Variants in KIF1A observed in about 807,000 individuals in gnomAD.
KIF1A encodes kinesin-like protein KIF1A.
KIF1A carries 46 observed loss-of-function variants against 227.3 expected under a neutral mutation model. That is an observed-to-expected ratio of 0.20 (90% CI 0.16 to 0.26). The LOEUF (loss-of-function observed/expected upper bound fraction) is 0.26. KIF1A is among the 10% of genes least tolerant of loss of function. The probability of loss-of-function intolerance (pLI) is 1.00; values close to 1 mark genes in which losing one functional copy is unlikely to be tolerated. For missense variants in KIF1A, 1,683 were observed against 2,485.9 expected, an observed-to-expected ratio of 0.68 and a Z score of 6.87; for synonymous variants, 1,022 against 1,012.8, an observed-to-expected ratio of 1.01 and a Z score of -0.17.
chr2:240,723,280 G>A, intron 42 of KIF1A, 133 bp downstream of exon 42: 2 of 791,084 alleles, frequency 2.5e-6, no homozygotes, highest in Non-Finnish European at 4.0e-6. Flanking sequence ...TCCTCCTGCA[G>A]GTGGCTGTGA....
intron 34 of KIF1A, among the ~76,000 whole-genome samples, 181 bp from the exon 35 acceptor site, chr2:240,741,558 ACTC>A (rs2047973010): frequency 6.6e-6 from 1 of 152,068 alleles, no homozygotes; most frequent in African/African-American, 2.4e-5. Context: ...GGTCCTGGGC[ACTC>A]TGTGGCCTTA....
At chr2:240,761,091 G>T in intron 24 of KIF1A, 138 bp downstream of exon 24, 1 of 1,097,420 alleles carries the variant, frequency 9.1e-7, no homozygotes, top group Non-Finnish European at 1.3e-6. Flanking sequence ...CTTCTGGGGG[G>T]CCAGGTCAGG....
chr2:240,786,325 C>G lies in KIF1A; in HGVS notation c.608+10G>C, dbSNP rs768808113. On this transcript the variant is annotated intron_variant, in intron 6 of 48. Coordinates refer to ENST00000498729, the MANE Select transcript of KIF1A (RefSeq NM_001244008.2). ...GAGGGCAGGGAGGTCCAGTGAGTCC[C>G]TCCACCCACCTGGCCTTGTTCCCTG... is the stretch of plus-strand genomic sequence containing the variant. 3 of 1,612,956 alleles carry G rather than the reference C, an allele frequency of 1.9e-6. No individual in the cohort carries two copies. The highest frequency in any genetic ancestry group is 2.5e-6 in the Non-Finnish European group (3 of 1,179,502).
chr2:240,746,931 G>T lies in KIF1A; in HGVS notation c.3063+305C>A, dbSNP rs1209993959. 2.0e-5 allele frequency among the ~76,000 whole-genome samples: 3 copies of T among 152,196 alleles called. No individual in the cohort carries two copies. In the East Asian group the frequency reaches 5.8e-4, roughly 29 times the overall value. ...TGGTCCAGAGAAGGGAGACAGGGTGGGGGTGGCTGCACCTCAGTGTCTGTT... is the reference window on the plus strand; with the variant it reads ...TGGTCCAGAGAAGGGAGACAGGGTGTGGGTGGCTGCACCTCAGTGTCTGTT... On this transcript the variant is annotated intron_variant, in intron 29 of 48. Coordinates refer to ENST00000498729, the MANE Select transcript of KIF1A (RefSeq NM_001244008.2).
At chr2:240,717,841 C>T (rs1355355286) in intron 48 of KIF1A, among the ~76,000 whole-genome samples, 1 of 152,260 alleles carries the variant, frequency 6.6e-6, no homozygotes, top group African/African-American at 2.4e-5. Context: ...CACTGCTTCC[C>T]CAGGCAGCCT....
chr2:240,776,602 C>T (rs2052752488), intron 10 of KIF1A, among the ~76,000 whole-genome samples: 1 of 152,262 alleles, frequency 6.6e-6, no homozygotes, highest in African/African-American at 2.4e-5. Flanking sequence ...GGAATTGCTT[C>T]TGACAGACAC....
At position 240,778,956 on chromosome 2, in the gene KIF1A, C is replaced by A. The variant is rs1298160743; in HGVS notation, c.883-3030G>T. Among the ~76,000 whole-genome samples, 1 of 151,902 alleles carries A rather than the reference C, an allele frequency of 6.6e-6. No individual in the cohort carries two copies. The highest frequency in any genetic ancestry group is 2.4e-5 in the African/African-American group (1 of 41,300). On this transcript the variant is annotated intron_variant, in intron 10 of 48. Coordinates refer to ENST00000498729, the MANE Select transcript of KIF1A (RefSeq NM_001244008.2). This position sits in a 1 kb window ranked among gnomAD's most constrained non-coding sequence, Gnocchi z 7.2. ...GTGTGCACCCCGTTCCTACACACAG[C>A]GCTCCACACGGCTCCTCACGGGTCC... is the stretch of plus-strand genomic sequence containing the variant.
chr2:240,763,136 G>A (rs961582457), intron 21 of KIF1A, 30 bp downstream of exon 21: 3 of 1,603,366 alleles, frequency 1.9e-6, no homozygotes, highest in African/African-American at 1.3e-5. Flanking sequence ...AGGAGGGGCA[G>A]CAGGCAGTTG....
At chr2:240,737,274 T>C (rs2047446234) in intron 37 of KIF1A, 106 bp from the exon 38 acceptor site, 9 of 842,346 alleles carry the variant, frequency 1.1e-5, no homozygotes, top group Middle Eastern at 2.2e-4. Context: ...CCCCACATGG[T>C]CACTAGAGCG....
At chr2:240,802,772 T>C (rs961587428) in intron 1 of KIF1A, among the ~76,000 whole-genome samples, 1 of 152,150 alleles carries the variant, frequency 6.6e-6, no homozygotes, top group Non-Finnish European at 1.5e-5. Context: ...GCTGGGACTA[T>C]GGGCATATGT....
chr2:240,809,156 A>T (rs2057669400), intron 1 of KIF1A, among the ~76,000 whole-genome samples: 1 of 152,268 alleles, frequency 6.6e-6, no homozygotes, highest in Non-Finnish European at 1.5e-5. Context: ...ATTTAATTTT[A>T]CCCAAATTGA....
Position 240,725,472 on chromosome 2 carries a change from C to A in KIF1A, c.4123-68G>T. The A allele has an allele frequency of 2.6e-6, 4 of 1,556,856 alleles. No individual in the cohort carries two copies. The highest frequency in any genetic ancestry group is 3.4e-4 in the Middle Eastern group (2 of 5,812). ...AGTGCCCAGGTGCCCTTCCAGCCTTCTCCTGGGGGCACAATGCCCAGCACC... is the reference window on the plus strand; with the variant it reads ...AGTGCCCAGGTGCCCTTCCAGCCTTATCCTGGGGGCACAATGCCCAGCACC... On this transcript the variant is annotated intron_variant, in intron 39 of 48. Transcript: ENST00000498729. This position sits in a 1 kb window ranked among gnomAD's most constrained non-coding sequence, Gnocchi z 5.8.
chr2:240,793,315 C>T lies in KIF1A; in HGVS notation c.107-4003G>A, dbSNP rs1376342093. Among the ~76,000 whole-genome samples the T allele has an allele frequency of 2.0e-5, 3 of 152,222 alleles. No homozygotes were observed. Among genetic ancestry groups the T allele is most frequent in the Non-Finnish European group, 4.4e-5 (3 of 68,038 alleles). ...ATGATTGGGGACCTCAGGGAGTACC[C>T]AGCACCACCCCTCACTACTGCACAG... On this transcript the variant is annotated intron_variant, in intron 2 of 48. Transcript: ENST00000498729. This position sits in a 1 kb window ranked among gnomAD's most constrained non-coding sequence, Gnocchi z 4.8.
At position 240,758,154 on chromosome 2, in the gene KIF1A, C is replaced by T. The variant is rs1049439241; in HGVS notation, c.2582+206G>A. 6.6e-6 allele frequency among the ~76,000 whole-genome samples: 1 copy of T among 152,210 alleles called. No homozygotes were observed. Among genetic ancestry groups the T allele is most frequent in the Non-Finnish European group, 1.5e-5 (1 of 68,038 alleles). ...GTGGCAGTGCCAAGACCCCATCCCA[C>T]GTCCCCTGAAATAACAGGCCCTGTG... On this transcript the variant is annotated intron_variant, in intron 26 of 48. Transcript: ENST00000498729. The surrounding 1 kb of genome is among the most constrained non-coding windows in gnomAD (Gnocchi z 5.2).
intron 1 of KIF1A, among the ~76,000 whole-genome samples, chr2:240,807,105 T>G (rs1194119746): frequency 1.0e-5 from 1 of 100,356 alleles, no homozygotes. Flanking sequence ...TGTGTGTGTG[T>G]GTGTGTGTGT....
rs971256554 is a variant in KIF1A at position 240,716,022 on chromosome 2, AGCTTGGGGCTGAC to A, written c.*1329_*1341del. On this transcript the variant is annotated 3_prime_UTR_variant, in exon 49 of 49. Coordinates refer to ENST00000498729, the MANE Select transcript of KIF1A (RefSeq NM_001244008.2). ...ACATGACTCCTATGACCAGACTCTC[AGCTTGGGGCTGAC>A]CCCCGTCCTGTCCTGGGTGGCCCTC... 1 of 152,264 alleles carries A rather than the reference AGCTTGGGGCTGAC, an allele frequency of 6.6e-6. No individual in the cohort carries two copies. The highest frequency in any genetic ancestry group is 1.5e-5 in the Non-Finnish European group (1 of 68,038). 9.4% of individuals were successfully genotyped at this position (152,264 alleles called of 1,614,324 possible). A position where few individuals can be genotyped will look rare whatever the true frequency, so the allele number is the denominator to read the frequency against.
At chr2:240,786,633 GGCC>G in intron 5 of KIF1A, 120 bp from the exon 6 acceptor site, 1 of 854,414 alleles carries the variant, frequency 1.2e-6, no homozygotes, top group East Asian at 2.5e-5. Flanking sequence ...AGGAGATGGG[GGCC>G]GCCATCAGGA....
Position 240,778,539 on chromosome 2 carries a change from C to CACACACACACAG in KIF1A, c.883-2614_883-2613insCTGTGTGTGTGT, listed in dbSNP as rs2053088509. On this transcript the variant is annotated intron_variant, in intron 10 of 48. Transcript: ENST00000498729. The surrounding 1 kb of genome is among the most constrained non-coding windows in gnomAD (Gnocchi z 7.2). Reference sequence around the variant, plus strand: ...ACACACACACACACACACACACACACACACAGGCTTCTCAGTGTCCCACGG... The same window carrying CACACACACACAG: ...ACACACACACACACACACACACACACACACACACACAGACACAGGCTTCTCAGTGTCCCACGG... 6.6e-6 allele frequency among the ~76,000 whole-genome samples: 1 copy of CACACACACACAG among 151,322 alleles called. No homozygotes were observed. Among genetic ancestry groups the CACACACACACAG allele is most frequent in the African/African-American group, 2.4e-5 (1 of 41,080 alleles).
At chr2:240,746,307 C>G (rs867016873) in intron 29 of KIF1A, 130 bp from the exon 30 acceptor site, 8 of 1,097,076 alleles carry the variant, frequency 7.3e-6, no homozygotes, top group Non-Finnish European at 9.1e-6. Context: ...TGAACCCACG[C>G]ACCAGACCTG....
Sources: gnomAD v4.1 joint callset for allele counts (sites outside exome capture counted in the v4.1 genomes callset) on GRCh38, gnomAD v4.1.1 for gene constraint, Gnocchi (gnomAD v3.1) non-coding constraint, MANE v1.5 for transcripts, NCBI Gene and HGNC (gene_info 2026-07-23, HGNC 2026-07-21) for gene names.